JAK1: variants seen among roughly 807,000 people sequenced by gnomAD.
JAK1 encodes Janus kinase 1, also known as tyrosine-protein kinase JAK1.
Under a neutral mutation model 136.6 loss-of-function variants are expected in JAK1, and 16 were observed. The observed-to-expected ratio is 0.12, with a 90% CI of 0.08 to 0.18. The LOEUF is 0.18. JAK1 is among the 10% of genes least tolerant of loss of function. The probability of loss-of-function intolerance (pLI) is 1.00; values close to 1 mark genes in which losing one functional copy is unlikely to be tolerated. For synonymous variants in JAK1, 492 were observed against 519.5 expected, an observed-to-expected ratio of 0.95 and a Z score of 0.72; for missense variants, 859 against 1,450.1, an observed-to-expected ratio of 0.59 and a Z score of 6.62.
intron 2 of JAK1, among the ~76,000 whole-genome samples, chr1:65,036,586 T>G (rs1165956679): frequency 1.3e-5 from 2 of 152,250 alleles, no homozygotes; most frequent in Admixed American, 6.5e-5. Flanking sequence ...CCCTATGTGC[T>G]TATTAACATA....
chr1:64,842,041 A>G (rs1025746048), intron 17 of JAK1, among the ~76,000 whole-genome samples: 1 of 152,274 alleles, frequency 6.6e-6, no homozygotes, highest in African/African-American at 2.4e-5. Context: ...AATGCCAAAT[A>G]TAAAATTAGT....
chr1:64,985,656 G>T, intron 2 of JAK1: 1 of 737,816 alleles, frequency 1.4e-6, no homozygotes, highest in Non-Finnish European at 2.4e-6. Flanking sequence ...CAGGCCAATA[G>T]GTGAGATGTC....
rs372389871 is a variant in JAK1, at chr1:65,044,422, A to T, written c.-78+58T>A. ...TTATTGTCTACCTTAGAGAAAGTAA[A>T]TGAAGTTGCAAGTTTTTCAAATGGG... On this transcript the variant is annotated intron_variant, in intron 2 of 25. Coordinates refer to the JAK1 transcript ENST00000671954. Among the ~76,000 whole-genome samples the T allele has an allele frequency of 2.7e-4, 41 of 152,338 alleles. 1 individual carries two copies. The East Asian group carries it at 5.4e-3, about 20-fold the overall frequency.
intron 1 of JAK1, among the ~76,000 whole-genome samples, chr1:64,942,861 T>C (rs540615498): frequency 6.6e-6 from 1 of 152,106 alleles, no homozygotes; most frequent in Admixed American, 6.5e-5. Context: ...TTTCCTGTTC[T>C]AAATAAAGTA....
intron 2 of JAK1, among the ~76,000 whole-genome samples, chr1:65,002,645 C>G (rs967554701): frequency 7.2e-5 from 11 of 152,230 alleles, no homozygotes; most frequent in Admixed American, 1.3e-4. Flanking sequence ...CGCAGGCTTC[C>G]GCGGAGCCAG....
intron 2 of JAK1, among the ~76,000 whole-genome samples, chr1:65,014,644 T>A (rs1254115828): frequency 6.6e-6 from 1 of 151,368 alleles, no homozygotes; most frequent in African/African-American, 2.4e-5. Flanking sequence ...AATAACACAC[T>A]CCATGGGTTG....
chr1:65,033,517 G>GAA (rs1647041786), intron 2 of JAK1, among the ~76,000 whole-genome samples: 1 of 151,918 alleles, frequency 6.6e-6, no homozygotes, highest in Non-Finnish European at 1.5e-5. Flanking sequence ...ACTAGTGACT[G>GAA]AATACAACTC....
intron 2 of JAK1, among the ~76,000 whole-genome samples, chr1:65,007,319 C>A (rs1173939357): frequency 1.3e-5 from 2 of 152,182 alleles, no homozygotes; most frequent in Non-Finnish European, 2.9e-5. Flanking sequence ...TATTCTTGTT[C>A]TTTGTCAGGC....
chr1:64,853,416 C>G (rs2101040838), intron 11 of JAK1, among the ~76,000 whole-genome samples: 1 of 152,286 alleles, frequency 6.6e-6, no homozygotes, highest in Non-Finnish European at 1.5e-5. Context: ...GAGTTCAAAT[C>G]CCCACTCATC....
At position 64,846,914 on chromosome 1, in the gene JAK1, C is replaced by T. The variant is rs898630271; in HGVS notation, c.1900-178G>A. The T allele has an allele frequency of 6.8e-6, 4 of 589,526 alleles. No homozygotes were observed. In the African/African-American group the frequency reaches 7.4e-5, roughly 11 times the overall value. 36.5% of individuals were successfully genotyped at this position (589,526 alleles called of 1,614,324 possible). Reference sequence around the variant, plus strand: ...CAGAGGCACTGCCAAGCCTTGTTCTCTGGGCCAACCTGGCAGGGATGTGAG... The same window carrying T: ...CAGAGGCACTGCCAAGCCTTGTTCTTTGGGCCAACCTGGCAGGGATGTGAG... On this transcript the variant is annotated intron_variant, in intron 13 of 24. Transcript: ENST00000342505.
At chr1:64,966,191 CTGCGCTCAGGA>C (rs1478381783) in intron 1 of JAK1, 131 bp downstream of exon 1, 1 of 151,824 alleles carries the variant, frequency 6.6e-6, no homozygotes, top group East Asian at 2.0e-4. Flanking sequence ...GGGTCCTGAG[CTGCGCTCAGGA>C]GCAGCCCGGG....
At chr1:64,982,012 C>T (rs1400716173) in intron 2 of JAK1, among the ~76,000 whole-genome samples, 1 of 152,082 alleles carries the variant, frequency 6.6e-6, no homozygotes, top group Non-Finnish European at 1.5e-5. Context: ...GTGGCTTCAC[C>T]TTTCCGAGCT....
At chr1:64,954,403 C>T (rs548668884) in intron 1 of JAK1, among the ~76,000 whole-genome samples, 3 of 152,192 alleles carry the variant, frequency 2.0e-5, no homozygotes, top group Non-Finnish European at 4.4e-5. Flanking sequence ...CTCCTCCCCA[C>T]GTGGGATGAT....
chr1:64,855,563 G>A lies in JAK1; in HGVS notation c.1594C>T (p.Arg532Cys), dbSNP rs773295685. 10 of 1,614,044 alleles carry A rather than the reference G, an allele frequency of 6.2e-6. No individual in the cohort carries two copies. Among genetic ancestry groups the A allele is most frequent in the Admixed American group, 1.7e-5 (1 of 59,996 alleles). Residue 532 changes from arginine (R) to cysteine (C), a missense_variant, in exon 11 of 25, where the codon CGC (arginine) becomes TGC (cysteine). By Grantham distance (180) the Arg-to-Cys change is radical. Coordinates refer to ENST00000342505, the MANE Select transcript of JAK1 (RefSeq NM_002227.4). ...LMSHLKKQIL[R>C]TDNISFMLKR... is the part of the protein sequence containing the mutation. ...AGCATGAAGCTGATGTTATCCGTGC[G>A]CAGGATCTGCTTCTTGAGGTGGCTC...
intron 2 of JAK1, among the ~76,000 whole-genome samples, chr1:64,998,527 G>A (rs577832277): frequency 2.0e-5 from 3 of 152,254 alleles, no homozygotes; most frequent in African/African-American, 4.8e-5. Flanking sequence ...ATCTCTGGCC[G>A]TAAGATTAGT....
At chr1:64,883,981 G>A (rs1224442466) in intron 2 of JAK1, among the ~76,000 whole-genome samples, 2 of 152,066 alleles carry the variant, frequency 1.3e-5, no homozygotes, top group African/African-American at 2.4e-5. Context: ...GGCATGAACC[G>A]TATCTTATCT....
intron 1 of JAK1, among the ~76,000 whole-genome samples, chr1:64,957,014 A>G (rs1443734700): frequency 6.6e-6 from 1 of 152,202 alleles, no homozygotes; most frequent in Admixed American, 6.5e-5. Flanking sequence ...ACTGTTTTAG[A>G]TAACTAGGGC....
At chr1:65,017,909 A>C (rs1557759934) in intron 2 of JAK1, among the ~76,000 whole-genome samples, 1 of 151,948 alleles carries the variant, frequency 6.6e-6, no homozygotes, top group South Asian at 2.1e-4. Flanking sequence ...TCCTGGGTTC[A>C]AGTGATTCTC....
At chr1:65,014,975 G>A (rs1364008169) in intron 2 of JAK1, among the ~76,000 whole-genome samples, 4 of 151,824 alleles carry the variant, frequency 2.6e-5, no homozygotes, top group South Asian at 2.1e-4. Context: ...TTGAGCCACC[G>A]CGCCCGGCCC....
Sources: allele counts gnomAD v4.1 joint callset (sites outside exome capture counted in the v4.1 genomes callset), GRCh38; gene constraint gnomAD v4.1.1; transcripts MANE v1.5; gene names NCBI Gene and HGNC (gene_info 2026-07-23, HGNC 2026-07-21).